Variants in C2CD3 observed in about 807,000 individuals in gnomAD.
The protein encoded by C2CD3 is C2 domain-containing protein 3.
A neutral mutation model predicts 234.0 loss-of-function variants in C2CD3; 148 were observed. The observed-to-expected ratio is 0.63, with a 90% CI of 0.55 to 0.72. The LOEUF (loss-of-function observed/expected upper bound fraction) is 0.72. C2CD3 is among the 30% of genes least tolerant of loss of function. The probability of loss-of-function intolerance (pLI) is 0.00; values close to 1 mark genes in which losing one functional copy is unlikely to be tolerated. For missense variants in C2CD3, 2,577 were observed against 2,811.5 expected, an observed-to-expected ratio of 0.92 and a Z score of 1.89; for synonymous variants, 1,000 against 1,035.4, an observed-to-expected ratio of 0.97 and a Z score of 0.66.
chr11:74,114,610 C>A lies in C2CD3; in HGVS notation c.1521-17G>T. 1 of 1,554,076 alleles carries A rather than the reference C, an allele frequency of 6.4e-7. No individual in the cohort carries two copies. Among genetic ancestry groups the A allele is most frequent in the African/African-American group, 1.4e-5 (1 of 73,884 alleles). ...ACCAAATTTCTGAAAGGAGTTCACA[C>A]AAGCAGTGAGGCATACTGCTACAGG... On this transcript the variant is annotated splice_polypyrimidine_tract_variant and intron_variant, in intron 9 of 32. Coordinates refer to ENST00000334126, the MANE Select transcript of C2CD3 (RefSeq NM_001286577.2).
intron 30 of C2CD3, 124 bp from the exon 31 acceptor site, chr11:74,034,402 T>C (rs1207480935): frequency 6.7e-7 from 1 of 1,498,092 alleles, no homozygotes; most frequent in East Asian, 2.5e-5. Flanking sequence ...ATAAAGAAAA[T>C]TAGTCCACCC....
chr11:74,055,366 A>G (rs1301607066), intron 25 of C2CD3, among the ~76,000 whole-genome samples: 2 of 150,978 alleles, frequency 1.3e-5, no homozygotes, highest in Non-Finnish European at 2.9e-5. Context: ...AACACCTCCA[A>G]TACATTTATA....
chr11:74,066,726 A>T (rs1954559761), intron 24 of C2CD3, among the ~76,000 whole-genome samples: 1 of 152,094 alleles, frequency 6.6e-6, no homozygotes, highest in Non-Finnish European at 1.5e-5. Flanking sequence ...CATCATAGTC[A>T]ATCTGCTTAA....
intron 3 of C2CD3, among the ~76,000 whole-genome samples, chr11:74,141,856 C>T (rs1006022541): frequency 2.0e-5 from 3 of 151,824 alleles, no homozygotes; most frequent in African/African-American, 7.3e-5. Context: ...AAAAAATTAG[C>T]TGGGCATGGT....
chr11:74,102,945 AG>A (rs910699785), intron 14 of C2CD3, among the ~76,000 whole-genome samples, 185 bp downstream of exon 14: 1 of 152,208 alleles, frequency 6.6e-6, no homozygotes, highest in Admixed American at 6.5e-5. Flanking sequence ...AAAGACAAAC[AG>A]TTTTAAAATG....
At chr11:74,076,609 C>T (rs1326695317) in intron 23 of C2CD3, among the ~76,000 whole-genome samples, 1 of 152,220 alleles carries the variant, frequency 6.6e-6, no homozygotes, top group Non-Finnish European at 1.5e-5. Flanking sequence ...GCTTTCAACA[C>T]AGTACTCCTG....
At chr11:74,077,965 C>T (rs1319012098) in intron 23 of C2CD3, 150 bp downstream of exon 23, 2 of 937,530 alleles carry the variant, frequency 2.1e-6, no homozygotes, top group South Asian at 1.9e-5. Flanking sequence ...TCTGAGCCTC[C>T]TTTTTTATGA....
intron 12 of C2CD3, among the ~76,000 whole-genome samples, chr11:74,107,075 A>G (rs894918014): frequency 7.2e-5 from 11 of 152,286 alleles, no homozygotes; most frequent in Non-Finnish European, 1.5e-4. Context: ...TAATCCCAGC[A>G]CTTTGGGAGG....
rs1293018849 is a variant in C2CD3, at chr11:74,116,998, A to G, written c.1520+1230T>C. The stretch of plus-strand genomic sequence containing the variant: ...CACGTATATATACACATATACGTGT[A>G]TATGTATATATACACATATATACGT... On this transcript the variant is annotated intron_variant, in intron 9 of 32. Coordinates refer to ENST00000334126, the MANE Select transcript of C2CD3 (RefSeq NM_001286577.2). Among the ~76,000 whole-genome samples the G allele has an allele frequency of 2.8e-3, 324 of 114,424 alleles. 15 individuals are homozygous for G. The highest frequency in any genetic ancestry group is 0.011 in the African/African-American group (259 of 23,048). 75.1% of individuals were successfully genotyped at this position (114,424 alleles called of 152,430 possible). A position where few individuals can be genotyped will look rare whatever the true frequency, so the allele number is the denominator to read the frequency against.
At chr11:74,112,969 C>T (rs1956794967) in intron 11 of C2CD3, among the ~76,000 whole-genome samples, 1 of 152,172 alleles carries the variant, frequency 6.6e-6, no homozygotes, top group African/African-American at 2.4e-5. Flanking sequence ...AATGAAAGCA[C>T]ACAGTCCATA....
At chr11:74,139,102 T>C in intron 4 of C2CD3, 135 bp from the exon 5 acceptor site, 1 of 639,040 alleles carries the variant, frequency 1.6e-6, no homozygotes. Context: ...TTATTTGCAA[T>C]ACAACTTTGT....
chr11:74,110,997 C>T (rs1956719845), intron 11 of C2CD3, among the ~76,000 whole-genome samples: 1 of 152,114 alleles, frequency 6.6e-6, no homozygotes, highest in African/African-American at 2.4e-5. Flanking sequence ...TAATCCTTCT[C>T]AGAAAAATGT....
intron 3 of C2CD3, among the ~76,000 whole-genome samples, chr11:74,143,527 TTATATATTTATATATA>T (rs923547302): frequency 2.9e-5 from 4 of 139,646 alleles, no homozygotes; most frequent in African/African-American, 1.0e-4. Context: ...TAATTTTATT[TTATATATTTATATATA>T]TATATATTTA....
At chr11:74,141,929 G>C (rs1958062028) in intron 3 of C2CD3, among the ~76,000 whole-genome samples, 1 of 151,968 alleles carries the variant, frequency 6.6e-6, no homozygotes, top group South Asian at 2.1e-4. Context: ...TTGAGCCCCG[G>C]ATATTGAGGC....
chr11:74,064,935 C>T (rs1215519333), intron 24 of C2CD3, among the ~76,000 whole-genome samples: 1 of 152,294 alleles, frequency 6.6e-6, no homozygotes, highest in South Asian at 2.1e-4. Flanking sequence ...GGATTAAAGA[C>T]TTAAATGTTA....
At chr11:74,126,433 A>G (rs1453711489) in intron 7 of C2CD3, among the ~76,000 whole-genome samples, 1 of 152,180 alleles carries the variant, frequency 6.6e-6, no homozygotes, top group Non-Finnish European at 1.5e-5. Context: ...CACATACCAT[A>G]CAATCTTCCC....
At position 74,168,621 on chromosome 11, in the gene C2CD3, G is replaced by C. The variant is rs373040365; in HGVS notation, c.56-8C>G. ...GAGAAATGTCACTTAAACCTGTAGA[G>C]GAATCCAAGAAAACTGAGTCAAAAT... On this transcript the variant is annotated splice_region_variant and splice_polypyrimidine_tract_variant and intron_variant, in intron 1 of 32. Transcript: ENST00000334126. The C allele has an allele frequency of 3.4e-5, 54 of 1,604,934 alleles. No homozygotes were observed. Among genetic ancestry groups the C allele is most frequent in the Middle Eastern group, 1.7e-4 (1 of 6,012 alleles).
At position 74,117,361 on chromosome 11, in the gene C2CD3, AATATATATAT is replaced by A. The variant is rs71469494; in HGVS notation, c.1520+857_1520+866del. Among the ~76,000 whole-genome samples the A allele has an allele frequency of 2.4e-3, 230 of 94,834 alleles. 7 individuals are homozygous for A. Among genetic ancestry groups the A allele is most frequent in the African/African-American group, 6.6e-3 (163 of 24,642 alleles). 62.2% of individuals were successfully genotyped at this position (94,834 alleles called of 152,430 possible). On this transcript the variant is annotated intron_variant, in intron 9 of 32. Transcript: ENST00000334126. ...ACATCGTCTAAGTCATTTGGCCTCA[AATATATATAT>A]ATATATATATATATATATATGGAAT...
At chr11:74,017,867 T>G (rs1352605704) in intron 32 of C2CD3, among the ~76,000 whole-genome samples, 4 of 152,212 alleles carry the variant, frequency 2.6e-5, no homozygotes, top group African/African-American at 7.2e-5. Flanking sequence ...CTAGGTTCTC[T>G]TCACTCCAGC....
Sources: allele counts gnomAD v4.1 joint callset (sites outside exome capture counted in the v4.1 genomes callset), GRCh38; gene constraint gnomAD v4.1.1; transcripts MANE v1.5; gene names NCBI Gene and HGNC (gene_info 2026-07-23, HGNC 2026-07-21).